Variants in PCDH11X observed in about 807,000 individuals in gnomAD.
PCDH11X encodes the protein protocadherin-11 X-linked.
Under a neutral mutation model 53.3 loss-of-function variants are expected in PCDH11X, and 18 were observed. The observed-to-expected ratio is 0.34, with a 90% CI of 0.23 to 0.50. PCDH11X has a LOEUF of 0.50. PCDH11X is among the 20% of genes least tolerant of loss of function. The pLI, the probability that PCDH11X is intolerant of heterozygous loss-of-function variation, is 0.98. For missense variants in PCDH11X, 570 were observed against 1,032.4 expected (o/e 0.55, Z 6.14); for synonymous variants, 279 against 393.3 (o/e 0.71, Z 3.44).
intron 8 of PCDH11X, among the ~76,000 whole-genome samples, chrX:92,359,603 G>A: frequency 9.0e-6 from 1 of 111,187 alleles, no homozygotes; most frequent in African/African-American, 3.3e-5. Flanking sequence ...GATTTGATTG[G>A]CTCTGCCATT....
At chrX:92,485,437 C>A (rs778315273) in intron 10 of PCDH11X, among the ~76,000 whole-genome samples, 254 of 111,209 alleles carry the variant, frequency 2.3e-3, no homozygotes, top group African/African-American at 7.8e-3. Flanking sequence ...ATAATTGCTC[C>A]TCACAATTAG....
intron 6 of PCDH11X, among the ~76,000 whole-genome samples, chrX:92,037,984 T>C (rs1168708150): frequency 9.4e-6 from 1 of 106,542 alleles, no homozygotes; most frequent in Non-Finnish European, 1.9e-5. Context: ...ATTGCAAAAA[T>C]TTTCTCCTAT....
At chrX:92,226,835 A>AT (rs1338115331) in intron 7 of PCDH11X, among the ~76,000 whole-genome samples, 2 of 110,660 alleles carry the variant, frequency 1.8e-5, no homozygotes, top group Non-Finnish European at 3.8e-5. Context: ...AATGCTTACA[A>AT]TTTTTTGATT....
At chrX:92,510,174 C>T (rs1356267627) in intron 10 of PCDH11X, among the ~76,000 whole-genome samples, 1 of 106,317 alleles carries the variant, frequency 9.4e-6, no homozygotes, top group East Asian at 3.0e-4. Context: ...AAATTTATAA[C>T]TTACTGAGGA....
chrX:91,911,492 C>T (rs1941365620), intron 6 of PCDH11X, among the ~76,000 whole-genome samples: 2 of 107,139 alleles, frequency 1.9e-5, no homozygotes, highest in African/African-American at 3.4e-5. Flanking sequence ...GTTATTTTAA[C>T]CTGTATAATT....
intron 5 of PCDH11X, among the ~76,000 whole-genome samples, chrX:91,869,204 A>G (rs1463398919): frequency 9.1e-6 from 1 of 110,242 alleles, no homozygotes; most frequent in Non-Finnish European, 1.9e-5. Context: ...TCAGTAGCTC[A>G]ATATTCTGGG....
intron 5 of PCDH11X, among the ~76,000 whole-genome samples, chrX:91,852,384 A>G (rs1217317168): frequency 9.3e-6 from 1 of 107,753 alleles, no homozygotes; most frequent in Non-Finnish European, 1.9e-5. Flanking sequence ...AGTCTAAACA[A>G]AAGTATGTTT....
chrX:92,472,120 G>A (rs965933502), intron 10 of PCDH11X, among the ~76,000 whole-genome samples: 6 of 110,180 alleles, frequency 5.4e-5, no homozygotes, highest in East Asian at 2.9e-4. Flanking sequence ...GATCTCATTC[G>A]TCAGTTTTTG....
intron 5 of PCDH11X, among the ~76,000 whole-genome samples, chrX:91,863,748 A>AT (rs1443118180): frequency 9.0e-6 from 1 of 110,973 alleles, no homozygotes; most frequent in Non-Finnish European, 1.9e-5. Flanking sequence ...CTTGCTTGTC[A>AT]TTTTTTGTGT....
At chrX:92,250,448 TA>T (rs2067436177) in intron 7 of PCDH11X, among the ~76,000 whole-genome samples, 2 of 109,229 alleles carry the variant, frequency 1.8e-5, no homozygotes, top group Non-Finnish European at 1.9e-5. Context: ...CCAAGGTACA[TA>T]AACAAAAGAA....
intron 9 of PCDH11X, among the ~76,000 whole-genome samples, chrX:92,408,292 C>A (rs1469204925): frequency 9.1e-6 from 1 of 109,735 alleles, no homozygotes; most frequent in African/African-American, 3.3e-5. Flanking sequence ...CATGTTTTAA[C>A]ATGTGTTTAT....
At chrX:92,086,278 TA>T (rs971514325) in intron 6 of PCDH11X, among the ~76,000 whole-genome samples, 3 of 111,210 alleles carry the variant, frequency 2.7e-5, no homozygotes, top group African/African-American at 9.7e-5. Flanking sequence ...AAAAATAAAA[TA>T]AAAATATAAT....
chrX:92,114,895 G>A (rs1006474088), intron 6 of PCDH11X, among the ~76,000 whole-genome samples: 43 of 110,394 alleles, frequency 3.9e-4, no homozygotes, highest in African/African-American at 1.3e-3. Context: ...GCAATGGCGC[G>A]AACTCGGCTC....
At chrX:92,472,045 T>A (rs1296816184) in intron 10 of PCDH11X, among the ~76,000 whole-genome samples, 1 of 111,021 alleles carries the variant, frequency 9.0e-6, no homozygotes, top group African/African-American at 3.3e-5. Flanking sequence ...TTTTCTGTCA[T>A]TCCATAGATT....
chrX:92,207,632 CTT>C (rs767752482), intron 7 of PCDH11X, among the ~76,000 whole-genome samples: 2 of 111,586 alleles, frequency 1.8e-5, no homozygotes, highest in Non-Finnish European at 3.8e-5. Context: ...GTAATCATGT[CTT>C]ATTTTTACTG....
At position 92,187,743 on chromosome X, in the gene PCDH11X, T is replaced by C. The variant is rs1603137286; in HGVS notation, c.3034-13632T>C. 2.7e-5 allele frequency among the ~76,000 whole-genome samples: 3 copies of C among 112,166 alleles called. No homozygotes were observed. In the Admixed American group the frequency reaches 2.9e-4, roughly 11 times the overall value. ...TTTGATTTAGAGCATTACCAAGTCT[T>C]ATTAAATACCATAATTAGATTATTT... On this transcript the variant is annotated intron_variant, in intron 6 of 10. Transcript: ENST00000682573.
At chrX:92,226,212 T>G (rs939800381) in intron 7 of PCDH11X, among the ~76,000 whole-genome samples, 1 of 112,107 alleles carries the variant, frequency 8.9e-6, no homozygotes, top group Non-Finnish European at 1.9e-5. Context: ...ATTATAGTTT[T>G]ATGTTACATG....
intron 8 of PCDH11X, among the ~76,000 whole-genome samples, chrX:92,300,540 C>T (rs767677167): frequency 1.8e-5 from 2 of 111,241 alleles, no homozygotes; most frequent in East Asian, 2.8e-4. Flanking sequence ...TGCAATGACA[C>T]GATCTCGGCT....
At chrX:92,429,138 A>G (rs1460965926) in intron 9 of PCDH11X, among the ~76,000 whole-genome samples, 1 of 111,521 alleles carries the variant, frequency 9.0e-6, no homozygotes, top group East Asian at 2.8e-4. Flanking sequence ...GGATTTATTT[A>G]GGAGAAGTTA....
Sources: gnomAD v4.1 joint callset for allele counts (sites outside exome capture counted in the v4.1 genomes callset) on GRCh38, gnomAD v4.1.1 for gene constraint, MANE v1.5 for transcripts, NCBI Gene and HGNC (gene_info 2026-07-23, HGNC 2026-07-21) for gene names.